The following BCHE variants were observed in gnomAD, a reference collection of about 807,000 sequenced individuals.
BCHE encodes cholinesterase.
In BCHE, 48 loss-of-function variants were observed where a neutral mutation model predicts 51.3. That is an observed-to-expected ratio of 0.94 (90% CI 0.74 to 1.19). BCHE has a LOEUF of 1.19. BCHE is among the 50% of genes most tolerant of loss of function. BCHE has a pLI of 0.00. For missense variants in BCHE, 847 were observed against 708.2 expected, an observed-to-expected ratio of 1.20 and a Z score of -2.23; for synonymous variants, 251 against 238.0, an observed-to-expected ratio of 1.05 and a Z score of -0.50.
intron 2 of BCHE, among the ~76,000 whole-genome samples, chr3:165,797,188 CGTT>C (rs1713421131): frequency 9.4e-6 from 1 of 106,944 alleles, no homozygotes; most frequent in African/African-American, 3.5e-5. Context: ...TTCCCTCCTT[CGTT>C]CTTCCCTCCC....
intron 2 of BCHE, among the ~76,000 whole-genome samples, chr3:165,801,268 G>C (rs1050039474): frequency 6.6e-6 from 1 of 152,124 alleles, no homozygotes; most frequent in Non-Finnish European, 1.5e-5. Flanking sequence ...TCTGTCCAAG[G>C]CGGATGTGCC....
intron 1 of BCHE, among the ~76,000 whole-genome samples, chr3:165,833,669 TC>T (rs1715072065): frequency 6.6e-5 from 10 of 152,128 alleles, no homozygotes; most frequent in Admixed American, 6.5e-4. Flanking sequence ...TCAGACATAA[TC>T]AAAGTTTTAG....
At chr3:165,789,374 T>C (rs1713084179) in intron 2 of BCHE, among the ~76,000 whole-genome samples, 1 of 152,050 alleles carries the variant, frequency 6.6e-6, no homozygotes, top group Admixed American at 6.6e-5. Flanking sequence ...CAGCACATAG[T>C]TGATAACTCA....
chr3:165,784,243 A>C (rs1471765315), intron 3 of BCHE, among the ~76,000 whole-genome samples: 1 of 151,926 alleles, frequency 6.6e-6, no homozygotes, highest in Non-Finnish European at 1.5e-5. Context: ...TGGCAAGAAC[A>C]TGGGCCCTTA....
At chr3:165,831,654 T>C (rs1196314636) in intron 1 of BCHE, among the ~76,000 whole-genome samples, 2 of 152,168 alleles carry the variant, frequency 1.3e-5, no homozygotes, top group African/African-American at 4.8e-5. Context: ...TCACAGAATA[T>C]TAAGTAACAA....
chr3:165,780,405 C>T lies in BCHE; in HGVS notation c.1684+5740G>A, dbSNP rs115032088. Among the ~76,000 whole-genome samples, 567 of 152,180 alleles carry T rather than the reference C, an allele frequency of 3.7e-3. 4 individuals are homozygous for T. The highest frequency in any genetic ancestry group is 0.011 in the African/African-American group (455 of 41,534). ...CAATTGCAGCCAAAGCCAAAATTGACAAATAGGGTATAATTAAACTAAAGA... is the reference window on the plus strand; with the variant it reads ...CAATTGCAGCCAAAGCCAAAATTGATAAATAGGGTATAATTAAACTAAAGA... On this transcript the variant is annotated intron_variant, in intron 3 of 3. Coordinates refer to ENST00000264381, the MANE Select transcript of BCHE (RefSeq NM_000055.4).
intron 2 of BCHE, among the ~76,000 whole-genome samples, chr3:165,797,163 C>A (rs1381938690): frequency 2.5e-5 from 3 of 120,516 alleles, no homozygotes; most frequent in Non-Finnish European, 5.3e-5. Context: ...CTTCCTTCTT[C>A]CCTCCCTTCC....
At chr3:165,783,449 A>G (rs1178197740) in intron 3 of BCHE, among the ~76,000 whole-genome samples, 1 of 152,126 alleles carries the variant, frequency 6.6e-6, no homozygotes, top group Admixed American at 6.6e-5. Context: ...TTAAGACAAT[A>G]AACTAGTTTC....
intron 2 of BCHE, among the ~76,000 whole-genome samples, chr3:165,792,978 C>A (rs1441763464): frequency 6.6e-6 from 1 of 151,988 alleles, no homozygotes; most frequent in Non-Finnish European, 1.5e-5. Flanking sequence ...TGGAGGTTGT[C>A]CCTTTTCTCT....
At chr3:165,775,554 AT>A (rs1712438670) in intron 3 of BCHE, among the ~76,000 whole-genome samples, 1 of 151,668 alleles carries the variant, frequency 6.6e-6, no homozygotes, top group Non-Finnish European at 1.5e-5. Flanking sequence ...TGATAAATAA[AT>A]TTTTGGTAAT....
intron 3 of BCHE, chr3:165,777,769 C>G (rs1322715867): frequency 2.2e-6 from 1 of 451,038 alleles, no homozygotes; most frequent in African/African-American, 2.0e-5. Context: ...ACCAACAGCT[C>G]CTTTTCCCCT....
At chr3:165,797,241 CTTCCTTCCT>C (rs1713432840) in intron 2 of BCHE, among the ~76,000 whole-genome samples, 2 of 282 alleles carry the variant, frequency 7.1e-3, no homozygotes, top group East Asian at 0.056. Flanking sequence ...TCTTCCCTCC[CTTCCTTCCT>C]TCCCTCCTTC....
chr3:165,837,126 A>G (rs1715217124), intron 1 of BCHE, among the ~76,000 whole-genome samples, 188 bp downstream of exon 1: 1 of 152,170 alleles, frequency 6.6e-6, no homozygotes. Flanking sequence ...TTCCCTGAAT[A>G]ATAGGAAGAT....
chr3:165,811,633 T>C (rs527305288), intron 2 of BCHE, among the ~76,000 whole-genome samples: 2 of 152,168 alleles, frequency 1.3e-5, no homozygotes, highest in African/African-American at 4.8e-5. Context: ...TTCTCAGTAT[T>C]ACATTTTTAA....
At chr3:165,819,668 T>C (rs1034326445) in intron 2 of BCHE, among the ~76,000 whole-genome samples, 2 of 152,142 alleles carry the variant, frequency 1.3e-5, no homozygotes, top group Admixed American at 1.3e-4. Flanking sequence ...TTTATGCTGT[T>C]AACCTTGTCT....
chr3:165,816,820 G>T (rs1315045587), intron 2 of BCHE, among the ~76,000 whole-genome samples: 1 of 151,760 alleles, frequency 6.6e-6, no homozygotes, highest in South Asian at 2.1e-4. Context: ...TAACCTTGAG[G>T]TGCTTAGACA....
intron 2 of BCHE, among the ~76,000 whole-genome samples, chr3:165,816,042 C>T (rs1714303163): frequency 6.6e-6 from 1 of 151,768 alleles, no homozygotes; most frequent in East Asian, 1.9e-4. Flanking sequence ...ATGAGTAATT[C>T]TCTTAAAATT....
intron 1 of BCHE, 35 bp downstream of exon 1, chr3:165,837,279 T>A: frequency 8.2e-6 from 10 of 1,215,244 alleles, no homozygotes; most frequent in Non-Finnish European, 1.1e-5. Flanking sequence ...GTAACTTGGA[T>A]CTCTACACGA....
chr3:165,821,457 C>T (rs993669790), intron 2 of BCHE, among the ~76,000 whole-genome samples: 11 of 149,428 alleles, frequency 7.4e-5, no homozygotes, highest in African/African-American at 2.2e-4. Flanking sequence ...AGAGAGAGAG[C>T]GCACCAAGAA....
Sources: gnomAD v4.1 joint callset for allele counts (sites outside exome capture counted in the v4.1 genomes callset) on GRCh38, gnomAD v4.1.1 for gene constraint, MANE v1.5 for transcripts, NCBI Gene and HGNC (gene_info 2026-07-23, HGNC 2026-07-21) for gene names.